ZNF804B: variants seen among roughly 807,000 people sequenced by gnomAD.
The protein encoded by ZNF804B is zinc finger 804B.
In ZNF804B, 80 loss-of-function variants were observed where a neutral mutation model predicts 101.4. The observed-to-expected ratio is 0.79, with a 90% CI of 0.66 to 0.95. The LOEUF is 0.95. ZNF804B is among the 40% of genes least tolerant of loss of function. The pLI is 0.00. For synonymous variants in ZNF804B, 622 were observed against 558.8 expected (o/e 1.11, Z -1.59); for missense variants, 1,673 against 1,561.9 (o/e 1.07, Z -1.20).
At chr7:88,876,890 A>G (rs1791947426) in intron 1 of ZNF804B, among the ~76,000 whole-genome samples, 1 of 149,936 alleles carries the variant, frequency 6.7e-6, no homozygotes, top group Admixed American at 6.7e-5. Flanking sequence ...ATTAAAGTGA[A>G]ATTTTAGAAA....
intron 2 of ZNF804B, among the ~76,000 whole-genome samples, chr7:89,242,258 A>G (rs1789383205): frequency 6.6e-6 from 1 of 151,152 alleles, no homozygotes; most frequent in Non-Finnish European, 1.5e-5. Context: ...GTTGGAAAGA[A>G]GTAAGCTATT....
At chr7:88,980,420 T>G (rs1793679109) in intron 1 of ZNF804B, among the ~76,000 whole-genome samples, 1 of 152,036 alleles carries the variant, frequency 6.6e-6, no homozygotes, top group Non-Finnish European at 1.5e-5. Context: ...CTTCACAGTC[T>G]TGGCTGGTTT....
chr7:89,297,830 A>G (rs1174693285), intron 2 of ZNF804B, among the ~76,000 whole-genome samples: 1 of 151,820 alleles, frequency 6.6e-6, no homozygotes, highest in Admixed American at 6.6e-5. Flanking sequence ...ATTATTTTAC[A>G]TAAACACAGA....
rs1791819234 is a variant in ZNF804B at position 88,871,270 on chromosome 7, A to G, written c.108+111186A>G. ...CCTGTGAACTTTAATAAGCTACTCT[A>G]TCTATTAGGGAATCTGAACTGAAGA... On this transcript the variant is annotated intron_variant, in intron 1 of 3. Transcript: ENST00000333190. 5.9e-5 allele frequency among the ~76,000 whole-genome samples: 9 copies of G among 152,248 alleles called. No homozygotes were observed. In the South Asian group the frequency reaches 1.7e-3, roughly 28 times the overall value.
chr7:88,840,575 G>C (rs1467877404), intron 1 of ZNF804B, among the ~76,000 whole-genome samples: 1 of 148,978 alleles, frequency 6.7e-6, no homozygotes, highest in African/African-American at 2.5e-5. Flanking sequence ...CAGTAAACAA[G>C]ATTCTCAAAA....
At chr7:89,007,316 A>G (rs1788380576) in intron 1 of ZNF804B, among the ~76,000 whole-genome samples, 1 of 150,912 alleles carries the variant, frequency 6.6e-6, no homozygotes, top group Non-Finnish European at 1.5e-5. Flanking sequence ...TCTTCTCGTT[A>G]AGCTAGTTTA....
At chr7:89,023,650 T>C (rs1788703716) in intron 1 of ZNF804B, among the ~76,000 whole-genome samples, 1 of 152,106 alleles carries the variant, frequency 6.6e-6, no homozygotes, top group South Asian at 2.1e-4. Context: ...AAAGAAAAAA[T>C]TCATTTGTTC....
At chr7:89,144,570 A>C (rs957688752) in intron 1 of ZNF804B, among the ~76,000 whole-genome samples, 1 of 151,948 alleles carries the variant, frequency 6.6e-6, no homozygotes, top group East Asian at 1.9e-4. Flanking sequence ...GAAAAGGGAG[A>C]TGTTGATCAA....
At chr7:89,282,340 C>T (rs1790112991) in intron 2 of ZNF804B, among the ~76,000 whole-genome samples, 1 of 151,852 alleles carries the variant, frequency 6.6e-6, no homozygotes, top group South Asian at 2.1e-4. Flanking sequence ...TTGCAAATAT[C>T]ATCAACACAG....
chr7:89,273,010 A>C (rs1789921438), intron 2 of ZNF804B, among the ~76,000 whole-genome samples: 1 of 152,174 alleles, frequency 6.6e-6, no homozygotes, highest in Non-Finnish European at 1.5e-5. Flanking sequence ...TTTAAAAATA[A>C]ACAGTTGTTT....
chr7:88,974,862 A>G (rs2116119339), intron 1 of ZNF804B, among the ~76,000 whole-genome samples: 1 of 151,446 alleles, frequency 6.6e-6, no homozygotes, highest in Admixed American at 6.6e-5. Context: ...CCTGTTGTGT[A>G]AGCAAGTACT....
At chr7:89,164,455 A>G (rs184107004) in intron 1 of ZNF804B, among the ~76,000 whole-genome samples, 5 of 152,258 alleles carry the variant, frequency 3.3e-5, no homozygotes, top group African/African-American at 2.4e-5. Flanking sequence ...ATGCTAGACA[A>G]TTCTGTGTCG....
chr7:88,789,613 T>A (rs1307733048), intron 1 of ZNF804B, among the ~76,000 whole-genome samples: 2 of 152,110 alleles, frequency 1.3e-5, no homozygotes, highest in African/African-American at 4.8e-5. Context: ...ATACATCCTG[T>A]CCACAGGTAA....
In ZNF804B at chr7:89,073,836, C is replaced by G. The variant is rs544772044; in HGVS notation, c.109-144319C>G. On this transcript the variant is annotated intron_variant, in intron 1 of 3. Transcript: ENST00000333190. ...TCCGCTTTTTATTCTAAATTTTTAACTTTGTTAATAGGGATTCAGGTAATA... is the reference window on the plus strand; with the variant it reads ...TCCGCTTTTTATTCTAAATTTTTAAGTTTGTTAATAGGGATTCAGGTAATA... Among the ~76,000 whole-genome samples, 4 of 152,188 alleles carry G rather than the reference C, an allele frequency of 2.6e-5. No individual in the cohort carries two copies. The South Asian group carries it at 8.3e-4, about 32-fold the overall frequency.
At chr7:88,921,339 C>A (rs1400753440) in intron 1 of ZNF804B, among the ~76,000 whole-genome samples, 2 of 152,000 alleles carry the variant, frequency 1.3e-5, no homozygotes, top group African/African-American at 2.4e-5. Flanking sequence ...ATAGGAGGGA[C>A]CTGGGACTCC....
intron 1 of ZNF804B, among the ~76,000 whole-genome samples, chr7:89,128,190 C>G (rs1303291164): frequency 6.6e-6 from 1 of 151,664 alleles, no homozygotes; most frequent in Non-Finnish European, 1.5e-5. Flanking sequence ...AAACTAACAT[C>G]TTTGTACTTT....
chr7:88,854,481 C>CTTTCTTTCTTTCTTTCTTTCTTTCT (rs1207111221), intron 1 of ZNF804B, among the ~76,000 whole-genome samples: 1 of 39,784 alleles, frequency 2.5e-5, no homozygotes, highest in Non-Finnish European at 4.3e-5. Flanking sequence ...CTTTCTCTTT[C>CTTTCTTTCTTTCTTTCTTTCTTTCT]CTTTCCTTTC....
At chr7:88,828,317 G>T (rs1263104044) in intron 1 of ZNF804B, among the ~76,000 whole-genome samples, 1 of 151,898 alleles carries the variant, frequency 6.6e-6, no homozygotes, top group African/African-American at 2.4e-5. Context: ...AATGTCCCTT[G>T]GGCTCCTTCT....
intron 1 of ZNF804B, among the ~76,000 whole-genome samples, chr7:89,051,440 CAT>C (rs1204161520): frequency 6.6e-6 from 1 of 152,102 alleles, no homozygotes; most frequent in Admixed American, 6.5e-5. Flanking sequence ...AATTTCTCCA[CAT>C]GTTATCAAGT....
Sources: gnomAD v4.1 joint callset for allele counts (sites outside exome capture counted in the v4.1 genomes callset) on GRCh38, gnomAD v4.1.1 for gene constraint, MANE v1.5 for transcripts, NCBI Gene and HGNC (gene_info 2026-07-23, HGNC 2026-07-21) for gene names.